The following OPRM1 variants were observed in gnomAD, a reference collection of about 807,000 sequenced individuals.
OPRM1 encodes mu-type opioid receptor.
A neutral mutation model predicts 31.8 loss-of-function variants in OPRM1; 27 were observed. The ratio of observed to expected loss-of-function variants is 0.85; its 90% CI spans 0.63 to 1.17. The LOEUF is 1.17. Ranked by LOEUF, OPRM1 falls within the 50% of genes most tolerant of loss-of-function variation. The pLI, the probability that OPRM1 is intolerant of heterozygous loss-of-function variation, is 0.00. For missense variants in OPRM1, 536 were observed against 511.1 expected (o/e 1.05, Z -0.47); for synonymous variants, 196 against 189.9 (o/e 1.03, Z -0.26).
rs572440044 is a variant in OPRM1, at chr6:154,130,813, G to T, written c.*12092G>T. Among the ~76,000 whole-genome samples the T allele has an allele frequency of 6.6e-6, 1 of 151,754 alleles. No homozygotes were observed. Among genetic ancestry groups the T allele is most frequent in the African/African-American group, 2.4e-5 (1 of 41,316 alleles). ...GCACATACATTTCCATTATTTTAAT[G>T]GGAATTAAAGAAAAAATGCCTGTTT... On this transcript the variant is annotated 3_prime_UTR_variant, in exon 4 of 4. Transcript: ENST00000330432.
At chr6:154,097,261 C>T (rs1793554819) in intron 3 of OPRM1, among the ~76,000 whole-genome samples, 1 of 152,138 alleles carries the variant, frequency 6.6e-6, no homozygotes, top group Non-Finnish European at 1.5e-5. Flanking sequence ...ACTTTCTTGA[C>T]ATTTTAATCA....
chr6:154,180,414 A>ATATTTTTTT (rs1241250621), intron 3 of OPRM1, among the ~76,000 whole-genome samples: 30 of 65,248 alleles, frequency 4.6e-4, no homozygotes, highest in African/African-American at 9.6e-4. Context: ...ATATATATAT[A>ATATTTTTTT]TTTTTTTTTT....
Position 154,118,747 on chromosome 6 carries a change from C to G in OPRM1, c.*26C>G. 6.2e-7 allele frequency: 1 copy of G among 1,612,468 alleles called. No homozygotes were observed. Among genetic ancestry groups the G allele is most frequent in the Non-Finnish European group, 8.5e-7 (1 of 1,179,366 alleles). On this transcript the variant is annotated 3_prime_UTR_variant, in exon 4 of 4. Transcript: ENST00000330432. The stretch of plus-strand genomic sequence containing the variant: ...CAGGGTCTCATGCCATTCCGACCTT[C>G]ACCAAGCTTAGAAGCCACCATGTAT...
chr6:154,129,415 C>T lies in OPRM1; in HGVS notation c.*10694C>T, dbSNP rs907401080. ...TGGTTTCGGGCCTGGCGCTGAGCTG[C>T]CTGTATTTGGTTTTACTTCCTTGTT... is the stretch of plus-strand genomic sequence containing the variant. On this transcript the variant is annotated 3_prime_UTR_variant, in exon 4 of 4. Transcript: ENST00000330432. Among the ~76,000 whole-genome samples, 1 of 152,172 alleles carries T rather than the reference C, an allele frequency of 6.6e-6. No homozygotes were observed. Among genetic ancestry groups the T allele is most frequent in the Non-Finnish European group, 1.5e-5 (1 of 68,022 alleles).
chr6:154,086,426 T>C (rs1790587861), intron 1 of OPRM1: 1 of 281,866 alleles, frequency 3.5e-6, no homozygotes, highest in Non-Finnish European at 5.3e-6. Context: ...ATATTCACTT[T>C]TTTTTGGTAA....
chr6:154,059,712 A>G (rs1784032361), intron 1 of OPRM1, among the ~76,000 whole-genome samples: 1 of 152,220 alleles, frequency 6.6e-6, no homozygotes, highest in Admixed American at 6.5e-5. Flanking sequence ...ACAAATACTC[A>G]TGTGACATAC....
At chr6:154,230,998 G>C (rs1415239127) in intron 3 of OPRM1, among the ~76,000 whole-genome samples, 3 of 152,116 alleles carry the variant, frequency 2.0e-5, no homozygotes, top group Non-Finnish European at 4.4e-5. Context: ...ATCTGAATCA[G>C]CCGAAACTGC....
intron 3 of OPRM1, among the ~76,000 whole-genome samples, chr6:154,181,425 G>A (rs897385737): frequency 5.3e-5 from 8 of 152,144 alleles, no homozygotes; most frequent in African/African-American, 1.9e-4. Flanking sequence ...AATTCACAAA[G>A]AGACAAACCT....
chr6:154,056,069 T>G (rs971732883), intron 1 of OPRM1, among the ~76,000 whole-genome samples: 28 of 152,324 alleles, frequency 1.8e-4, no homozygotes, highest in African/African-American at 6.3e-4. Flanking sequence ...GATTCTCTAA[T>G]CACAGTAAAA....
Position 154,122,330 on chromosome 6 carries a change from GTCTTTAC to G in OPRM1, c.*3612_*3618del, listed in dbSNP as rs1469437974. Among the ~76,000 whole-genome samples, 5 of 152,156 alleles carry G rather than the reference GTCTTTAC, an allele frequency of 3.3e-5. No homozygotes were observed. Among genetic ancestry groups the G allele is most frequent in the South Asian group, 4.1e-4 (2 of 4,828 alleles). On this transcript the variant is annotated 3_prime_UTR_variant, in exon 4 of 4. Transcript: ENST00000330432. ...ATTCTTGCCTGGATTCTCAACATAAGTCTTTACTCACAGGCCTATTGCTTGGTTTCAG... is the reference window on the plus strand; with the variant it reads ...ATTCTTGCCTGGATTCTCAACATAAGTCACAGGCCTATTGCTTGGTTTCAG...
intron 3 of OPRM1, among the ~76,000 whole-genome samples, chr6:154,244,830 C>T (rs772772785): frequency 1.1e-4 from 16 of 152,190 alleles, no homozygotes; most frequent in Non-Finnish European, 2.4e-4. Flanking sequence ...CTCCTTCTAT[C>T]TGAGCTTTAT....
At chr6:154,028,089 G>T (rs1259221480) in intron 1 of OPRM1, among the ~76,000 whole-genome samples, 1 of 152,194 alleles carries the variant, frequency 6.6e-6, no homozygotes, top group Non-Finnish European at 1.5e-5. Context: ...AACCTGCTGA[G>T]TCTCACTTGA....
chr6:154,172,921 C>T lies in OPRM1; in HGVS notation c.1165-73772C>T, dbSNP rs558367885. On this transcript the variant is annotated intron_variant, in intron 3 of 3. Coordinates refer to the OPRM1 transcript ENST00000337049. The stretch of plus-strand genomic sequence containing the variant: ...TCACCTCCCAGTAGGGGCTGACAGA[C>T]ACCTCATATCAGTGGGTGCCCCTCT... Among the ~76,000 whole-genome samples the T allele has an allele frequency of 3.0e-4, 46 of 152,312 alleles. 1 individual carries two copies. The highest frequency in any genetic ancestry group is 1.1e-3 in the African/African-American group (46 of 41,586).
chr6:154,090,074 T>C lies in OPRM1; in HGVS notation c.539T>C (p.Phe180Ser), dbSNP rs769509205. 1.8e-5 allele frequency: 29 copies of C among 1,614,048 alleles called. No homozygotes were observed. The change falls in exon 2 of 4, where the codon TTC becomes TCC. Residue 180 changes from phenylalanine to serine, a missense_variant. Transcript: ENST00000330432. Reference protein sequence around the residue: ...AVCHPVKALDFRTPRNAKIIN... With the variant: ...AVCHPVKALDSRTPRNAKIIN... ...TGCCACCCTGTCAAGGCCTTAGATT[T>C]CCGTACTCCCCGAAATGCCAAAATT...
At chr6:154,085,533 CAGA>C (rs1432001667) in intron 1 of OPRM1, among the ~76,000 whole-genome samples, 1 of 152,186 alleles carries the variant, frequency 6.6e-6, no homozygotes, top group African/African-American at 2.4e-5. Context: ...CTGCTTCGAG[CAGA>C]AGATGGAGTT....
chr6:154,182,640 T>G (rs1800986770), intron 3 of OPRM1, among the ~76,000 whole-genome samples: 1 of 152,196 alleles, frequency 6.6e-6, no homozygotes. Context: ...CTTTTTTTCT[T>G]CTTAAAATAC....
intron 3 of OPRM1, among the ~76,000 whole-genome samples, chr6:154,167,160 A>T (rs961417805): frequency 1.3e-5 from 2 of 152,214 alleles, no homozygotes; most frequent in Non-Finnish European, 2.9e-5. Context: ...AATCTATCAA[A>T]GCTTTTCAGA....
At chr6:154,061,818 AT>A (rs1261486439) in intron 1 of OPRM1, among the ~76,000 whole-genome samples, 10 of 149,432 alleles carry the variant, frequency 6.7e-5, no homozygotes, top group Admixed American at 1.3e-4. Flanking sequence ...CTAAAAAAAA[AT>A]AATAGTTGGA....
At chr6:154,220,312 G>T (rs790263) in intron 3 of OPRM1, among the ~76,000 whole-genome samples, 77,019 of 151,946 alleles carry the variant, frequency 0.51, 20,090 homozygotes, top group African/African-American at 0.6. Context: ...CTAAATCAAA[G>T]AGAATGCCCT....
Sources: gnomAD v4.1 joint callset for allele counts (sites outside exome capture counted in the v4.1 genomes callset) on GRCh38, gnomAD v4.1.1 for gene constraint, MANE v1.5 for transcripts, NCBI Gene and HGNC (gene_info 2026-07-23, HGNC 2026-07-21) for gene names.